The following ODC1 variants were observed in gnomAD, a reference collection of about 807,000 sequenced individuals.
ODC1 encodes the protein ornithine decarboxylase.
In ODC1, 18 loss-of-function variants were observed where a neutral mutation model predicts 41.5. That is an observed-to-expected ratio of 0.43 (90% CI 0.30 to 0.64). ODC1 has a LOEUF of 0.64. Among genes scored for constraint, ODC1 ranks in the 30% least tolerant of loss-of-function variants. ODC1 has a pLI of 0.11. For synonymous variants in ODC1, 218 were observed against 211.6 expected, an observed-to-expected ratio of 1.03 and a Z score of -0.26; for missense variants, 504 against 589.0, an observed-to-expected ratio of 0.86 and a Z score of 1.49.
chr2:10,441,225 GGT>G (rs540670991), intron 11 of ODC1, among the ~76,000 whole-genome samples: 2 of 152,264 alleles, frequency 1.3e-5, no homozygotes, highest in South Asian at 4.2e-4. Flanking sequence ...TGTGATTTCA[GGT>G]GTGAGCCAGC....
At chr2:10,441,314 C>T (rs1558548127) in intron 11 of ODC1, among the ~76,000 whole-genome samples, 195 bp downstream of exon 11, 1 of 152,236 alleles carries the variant, frequency 6.6e-6, no homozygotes, top group Non-Finnish European at 1.5e-5. Flanking sequence ...AACCACAAGA[C>T]ACATGGCATG....
At chr2:10,446,710 T>C in intron 1 of ODC1, 1 of 443,442 alleles carries the variant, frequency 2.3e-6, no homozygotes, top group Non-Finnish European at 4.3e-6. Context: ...GCTTTCTTCT[T>C]TTCCACTGTG....
intron 1 of ODC1, chr2:10,446,600 A>T (rs889829578): frequency 4.7e-5 from 10 of 214,580 alleles, no homozygotes; most frequent in Non-Finnish European, 9.5e-5. Flanking sequence ...TCTAGTAACA[A>T]TAAAAGCCAC....
intron 1 of ODC1, among the ~76,000 whole-genome samples, chr2:10,445,641 T>C (rs1671987597): frequency 1.3e-5 from 2 of 152,322 alleles, no homozygotes; most frequent in South Asian, 4.1e-4. Flanking sequence ...TTATAGACTT[T>C]TTTATTTTTT....
At chr2:10,446,544 T>A (rs2148072534) in intron 1 of ODC1, among the ~76,000 whole-genome samples, 1 of 152,360 alleles carries the variant, frequency 6.6e-6, no homozygotes, top group South Asian at 2.1e-4. Flanking sequence ...ATGAGAATAA[T>A]TTGGGGCTAA....
chr2:10,443,832 C>T lies in ODC1; in HGVS notation c.454G>A (p.Val152Ile). 6.2e-7 allele frequency: 1 copy of T among 1,613,758 alleles called. No homozygotes were observed. The highest frequency in any genetic ancestry group is 1.3e-5 in the African/African-American group (1 of 75,038). Residue 152 changes from valine to isoleucine, a missense_variant, in exon 6 of 12, where the codon GTT becomes ATT. Physicochemically the swap from Val to Ile is conservative, Grantham distance 29 (BLOSUM62 3). This residue lies in a region of ODC1 where 447 missense variants were observed against 524.4 expected (regional missense o/e 0.85). Coordinates refer to ENST00000234111, the MANE Select transcript of ODC1 (RefSeq NM_002539.3). The stretch of plus-strand genomic sequence containing the variant: ...GAATCATCAGTGGCAATCCGCAAAA[C>T]CAACCTACAAGCAAGGAAAGTGCAG... ...VARAHPKAKL[V>I]LRIATDDSKA...
chr2:10,444,254 A>C lies in ODC1; in HGVS notation c.290T>G (p.Leu97Trp). 4 of 1,587,096 alleles carry C rather than the reference A, an allele frequency of 2.5e-6. No individual in the cohort carries two copies. The highest frequency in any genetic ancestry group is 3.4e-6 in the Non-Finnish European group (4 of 1,170,102). ...TGGAGGCACCCCCAGACTCTGCACC[A>C]ACTGTATTTCAGTCTGAAAAAGAAG... ...FDCASKTEIQ[L>W]VQSLGVPPER... The change falls in exon 5 of 12, where the codon TTG becomes TGG. Residue 97 changes from leucine (L) to tryptophan (W), a missense_variant. Physicochemically the swap from Leu to Trp is moderately conservative, Grantham distance 61. Around this residue, in one of 3 missense-constraint regions of ODC1, gnomAD observed 447 missense variants for 524.4 expected, o/e 0.85. Coordinates refer to ENST00000234111, the MANE Select transcript of ODC1 (RefSeq NM_002539.3).
chr2:10,444,956 T>A lies in ODC1; in HGVS notation c.77A>T (p.Gln26Leu). 1 of 1,613,286 alleles carries A rather than the reference T, an allele frequency of 6.2e-7. No homozygotes were observed. The highest frequency in any genetic ancestry group is 1.7e-5 in the Admixed American group (1 of 60,026). The change falls in exon 3 of 12, where the codon CAG becomes CTG. Residue 26 changes from glutamine (Q) to leucine (L), a missense_variant. Coordinates refer to ENST00000234111, the MANE Select transcript of ODC1 (RefSeq NM_002539.3). ...AGAAGAAGAAACTTCATTAATTTTCTGGTCCAGAATGTCCTTGGCAGTAAA... is the reference window on the plus strand; with the variant it reads ...AGAAGAAGAAACTTCATTAATTTTCAGGTCCAGAATGTCCTTGGCAGTAAA... ...EGFTAKDILD[Q>L]KINEVSSSDD... is the part of the protein sequence containing the mutation.
At position 10,441,574 on chromosome 2, in the gene ODC1, A is replaced by G. The variant is rs1200248915; in HGVS notation, c.1176T>C (p.Ala392=). The G allele has an allele frequency of 6.2e-7, 1 of 1,614,120 alleles. No homozygotes were observed. The highest frequency in any genetic ancestry group is 8.5e-7 in the Non-Finnish European group (1 of 1,180,050). The change falls in exon 11 of 12, where the codon GCT becomes GCC. Residue 392 remains alanine (A), a synonymous_variant. Transcript: ENST00000234111. ...LFENMGAYTV[A]AASTFNGFQR... Reference sequence around the variant, plus strand: ...GGAAGCCATTGAACGTAGAGGCAGCAGCAACAGTGTAAGCGCCCATGTTTT... The same window carrying G: ...GGAAGCCATTGAACGTAGAGGCAGCGGCAACAGTGTAAGCGCCCATGTTTT...
intron 1 of ODC1, chr2:10,447,769 G>A (rs374816611): frequency 1.3e-5 from 2 of 152,254 alleles, no homozygotes; most frequent in East Asian, 3.9e-4. Flanking sequence ...CACCTGCTGC[G>A]CGGCCGCCAG....
Position 10,440,586 on chromosome 2 carries a change from C to T in ODC1, c.*138G>A. 1.3e-6 allele frequency: 1 copy of T among 745,836 alleles called. No homozygotes were observed. Among genetic ancestry groups the T allele is most frequent in the South Asian group, 1.9e-5 (1 of 54,040 alleles). 46.2% of individuals were successfully genotyped at this position (745,836 alleles called of 1,614,324 possible). A position where few individuals can be genotyped will look rare whatever the true frequency, so the allele number is the denominator to read the frequency against. Reference sequence around the variant, plus strand: ...AACACAGATAAGTGTGACCCATATCCTAGTCTTCCATATGGCTGCATCATG... The same window carrying T: ...AACACAGATAAGTGTGACCCATATCTTAGTCTTCCATATGGCTGCATCATG... On this transcript the variant is annotated 3_prime_UTR_variant, in exon 12 of 12. Coordinates refer to ENST00000234111, the MANE Select transcript of ODC1 (RefSeq NM_002539.3).
At chr2:10,442,255 G>C in intron 8 of ODC1, 81 bp from the exon 9 acceptor site, 1 of 1,395,948 alleles carries the variant, frequency 7.2e-7, no homozygotes, top group African/African-American at 1.4e-5. Flanking sequence ...AGGGCCTTGT[G>C]ACATGACATC....
In ODC1 at chr2:10,443,735, G is replaced by A. The variant is rs1291183778; in HGVS notation, c.551C>T (p.Ala184Val). 3.1e-6 allele frequency: 5 copies of A among 1,614,040 alleles called. No homozygotes were observed. Among genetic ancestry groups the A allele is most frequent in the Admixed American group, 1.7e-5 (1 of 60,020 alleles). ...AACAACATCGATATTTAGCTCTTTC[G>A]CCCGTTCCAAAAGGAGCCTGCTGGT... ...LRTSRLLLER[A>V]KELNIDVVGV... Residue 184 changes from alanine (A) to valine (V), a missense_variant, in exon 6 of 12, where the codon GCG becomes GTG. Ala to Val is a moderately conservative substitution (Grantham distance 64, BLOSUM62 0). Transcript: ENST00000234111.
intron 5 of ODC1, 72 bp downstream of exon 5, chr2:10,444,023 T>G: frequency 6.7e-7 from 1 of 1,499,298 alleles, no homozygotes. Context: ...TAATCAGAAA[T>G]TTAAGTTTGT....
intron 1 of ODC1, among the ~76,000 whole-genome samples, chr2:10,445,639 TTTTTTA>T (rs1393168844): frequency 1.3e-5 from 2 of 152,236 alleles, no homozygotes; most frequent in African/African-American, 4.8e-5. Flanking sequence ...CATTATAGAC[TTTTTTA>T]TTTTTTTTGA....
chr2:10,444,947 T>G lies in ODC1; in HGVS notation c.86A>C (p.Asn29Thr). The change falls in exon 3 of 12, where the codon AAT becomes ACT. Residue 29 changes from asparagine (N) to threonine (T), a missense_variant. Coordinates refer to ENST00000234111, the MANE Select transcript of ODC1 (RefSeq NM_002539.3). ...TATACTTACAGAAGAAGAAACTTCATTAATTTTCTGGTCCAGAATGTCCTT... is the reference window on the plus strand; with the variant it reads ...TATACTTACAGAAGAAGAAACTTCAGTAATTTTCTGGTCCAGAATGTCCTT... ...TAKDILDQKINEVSSSDDKDA... is the reference protein window; with the variant it reads ...TAKDILDQKITEVSSSDDKDA... 6.2e-7 allele frequency: 1 copy of G among 1,612,584 alleles called. No individual in the cohort carries two copies. Among genetic ancestry groups the G allele is most frequent in the Non-Finnish European group, 8.5e-7 (1 of 1,178,642 alleles).
chr2:10,441,237 C>G (rs1430930790), intron 11 of ODC1, among the ~76,000 whole-genome samples: 1 of 152,188 alleles, frequency 6.6e-6, no homozygotes, highest in Non-Finnish European at 1.5e-5. Flanking sequence ...TGTGAGCCAG[C>G]ACACCTGGCC....
chr2:10,443,143 A>G, intron 8 of ODC1, 87 bp downstream of exon 8: 1 of 980,362 alleles, frequency 1.0e-6, no homozygotes, highest in Non-Finnish European at 1.6e-6. Context: ...CCATTGTGGT[A>G]TTAGTTAAGA....
intron 1 of ODC1, among the ~76,000 whole-genome samples, chr2:10,447,075 T>A (rs905560157): frequency 1.3e-5 from 2 of 152,248 alleles, no homozygotes; most frequent in African/African-American, 4.8e-5. Context: ...TTATTAAATA[T>A]TTTTAAGGCA....
Sources: gnomAD v4.1 joint callset for allele counts (sites outside exome capture counted in the v4.1 genomes callset) on GRCh38, gnomAD v4.1.1 for gene constraint, gnomAD v4.1.1 regional missense constraint, MANE v1.5 for transcripts, NCBI Gene and HGNC (gene_info 2026-07-23, HGNC 2026-07-21) for gene names.